Variants in SMYD4 observed in about 807,000 individuals in gnomAD.
The protein encoded by SMYD4 is protein-lysine N-methyltransferase SMYD4.
Under a neutral mutation model 72.8 loss-of-function variants are expected in SMYD4, and 68 were observed. That is an observed-to-expected ratio of 0.93 (90% CI 0.77 to 1.14). The LOEUF (loss-of-function observed/expected upper bound fraction) is 1.14. SMYD4 is among the 50% of genes most tolerant of loss of function. SMYD4 has a pLI of 0.00. For missense variants in SMYD4, 984 were observed against 1,003.7 expected (o/e 0.98, Z 0.27); for synonymous variants, 407 against 388.6 (o/e 1.05, Z -0.56).
At chr17:1,799,779 CT>C in intron 5 of SMYD4, 77 bp downstream of exon 5, 1 of 1,371,790 alleles carries the variant, frequency 7.3e-7, no homozygotes, top group Non-Finnish European at 9.7e-7. Flanking sequence ...TCCTATTTTC[CT>C]TTGGAATTGT....
intron 3 of SMYD4, among the ~76,000 whole-genome samples, chr17:1,806,329 C>T (rs1910033966): frequency 6.6e-6 from 1 of 152,124 alleles, no homozygotes; most frequent in African/African-American, 2.4e-5. Flanking sequence ...ACTCGACCGC[C>T]TGAAAATAAA....
Position 1,800,390 on chromosome 17 carries a change from C to A in SMYD4, c.1004G>T (p.Cys335Phe). The change falls in exon 5 of 11, where the codon TGT (cysteine) becomes TTT (phenylalanine). Residue 335 changes from cysteine (C) to phenylalanine (F), a missense_variant. By Grantham distance (205) the Cys-to-Phe change is radical. Coordinates refer to ENST00000305513, the MANE Select transcript of SMYD4 (RefSeq NM_052928.3). ...TGTGAGAAGCAGCCCTCCCAGAGGA[C>A]ATTCTGTCCTGTGGTAGAGCTCCCA... ...QAWELYHRTE[C>F]PLGGLLLTLG... is the part of the protein sequence containing the mutation. The A allele has an allele frequency of 3.1e-6, 5 of 1,614,176 alleles. No homozygotes were observed. Among genetic ancestry groups the A allele is most frequent in the Non-Finnish European group, 4.2e-6 (5 of 1,180,024 alleles).
chr17:1,811,890 G>A (rs1910345489), intron 3 of SMYD4, 81 bp downstream of exon 3: 1 of 1,493,756 alleles, frequency 6.7e-7, no homozygotes, highest in Non-Finnish European at 9.1e-7. Flanking sequence ...TTATACCACT[G>A]TACTCCAGCC....
In SMYD4 at chr17:1,783,356, G is replaced by C; in HGVS notation, c.2137+4C>G. ...GACGCAGAACGTGAAGGCTCATGCT[G>C]TACCTAAGGCAGCACAGGCCCGGGC... On this transcript the variant is annotated splice_donor_region_variant and intron_variant, in intron 9 of 10. Transcript: ENST00000305513. The C allele has an allele frequency of 6.2e-7, 1 of 1,612,180 alleles. No individual in the cohort carries two copies. The highest frequency in any genetic ancestry group is 8.5e-7 in the Non-Finnish European group (1 of 1,179,986).
At chr17:1,802,080 C>G (rs894598730) in intron 4 of SMYD4, among the ~76,000 whole-genome samples, 3 of 152,150 alleles carry the variant, frequency 2.0e-5, no homozygotes, top group Non-Finnish European at 4.4e-5. Flanking sequence ...ATCTAAAAAA[C>G]AGGGATAATA....
Position 1,829,815 on chromosome 17 carries a change from G to A in SMYD4, c.-102C>T, listed in dbSNP as rs746845459. 8 of 259,970 alleles carry A rather than the reference G, an allele frequency of 3.1e-5. No individual in the cohort carries two copies. Among genetic ancestry groups the A allele is most frequent in the East Asian group, 7.7e-5 (1 of 13,034 alleles). The allele number at this position is 259,970 out of a possible 1,614,324, so 16.1% of individuals were successfully genotyped here. On this transcript the variant is annotated 5_prime_UTR_variant, in exon 1 of 11. Transcript: ENST00000305513. Reference sequence around the variant, plus strand: ...CGCCCTGGTCTCCCTCCCAGCGCCCGCGCAGCTCCTGGCGCGCCCCTTGGC... The same window carrying A: ...CGCCCTGGTCTCCCTCCCAGCGCCCACGCAGCTCCTGGCGCGCCCCTTGGC...
chr17:1,812,545 CTTTTT>C (rs71150818), intron 2 of SMYD4, among the ~76,000 whole-genome samples: 3 of 63,698 alleles, frequency 4.7e-5, no homozygotes, highest in African/African-American at 6.0e-5. Context: ...AGCAGAATTT[CTTTTT>C]TTTTTTTTTT....
intron 5 of SMYD4, among the ~76,000 whole-genome samples, chr17:1,794,026 T>C (rs1158840001): frequency 1.2e-5 from 1 of 82,594 alleles, no homozygotes; most frequent in East Asian, 2.5e-4. Flanking sequence ...TATATGTGTG[T>C]ATATATATAT....
chr17:1,794,069 G>GCA (rs1567770917), intron 5 of SMYD4, among the ~76,000 whole-genome samples: 21 of 67,958 alleles, frequency 3.1e-4, no homozygotes, highest in African/African-American at 1.5e-3. Context: ...ATATATATGT[G>GCA]TATATATATG....
rs948261135 is a variant in SMYD4 at position 1,817,674 on chromosome 17, T to G, written c.135-5559A>C. On this transcript the variant is annotated intron_variant, in intron 2 of 10. Transcript: ENST00000305513. Reference sequence around the variant, plus strand: ...TTTTGATAAAGTACAGTTTATTTTTTTTGTTGTTGCCTGTGCTTTTGGTGT... The same window carrying G: ...TTTTGATAAAGTACAGTTTATTTTTGTTGTTGTTGCCTGTGCTTTTGGTGT... Among the ~76,000 whole-genome samples the G allele has an allele frequency of 9.9e-5, 15 of 152,284 alleles. No homozygotes were observed. The South Asian group carries it at 1.9e-3, about 19-fold the overall frequency.
chr17:1,780,620 A>G lies in SMYD4; in HGVS notation c.*666T>C, dbSNP rs1293944782. The G allele has an allele frequency of 6.8e-6, 1 of 146,352 alleles. No homozygotes were observed. Among genetic ancestry groups the G allele is most frequent in the East Asian group, 2.0e-4 (1 of 4,904 alleles). 9.1% of individuals were successfully genotyped at this position (146,352 alleles called of 1,614,324 possible). ...CCCACATCTGGCAGCAGAACCTCTT[A>G]ATATTTTTTTTTTTTCTTTGAGATG... On this transcript the variant is annotated 3_prime_UTR_variant, in exon 11 of 11. Transcript: ENST00000305513.
chr17:1,787,275 T>G (rs1908744223), intron 6 of SMYD4, 147 bp downstream of exon 6: 1 of 1,060,888 alleles, frequency 9.4e-7, no homozygotes, highest in South Asian at 1.5e-5. Context: ...CATCCTCCCT[T>G]CCTTGTTTTT....
intron 2 of SMYD4, among the ~76,000 whole-genome samples, chr17:1,823,586 T>G (rs760547275): frequency 2.0e-5 from 3 of 152,098 alleles, no homozygotes; most frequent in African/African-American, 4.8e-5. Context: ...TCAAGTACCC[T>G]TTCTCTCTAC....
intron 4 of SMYD4, among the ~76,000 whole-genome samples, chr17:1,803,036 C>G (rs1295498116): frequency 1.3e-5 from 2 of 152,142 alleles, no homozygotes; most frequent in African/African-American, 4.8e-5. Context: ...CCCAGCTACT[C>G]AGAGGCTGAG....
chr17:1,818,723 G>A (rs896827730), intron 2 of SMYD4, among the ~76,000 whole-genome samples: 8 of 151,744 alleles, frequency 5.3e-5, no homozygotes, highest in Non-Finnish European at 1.0e-4. Context: ...GCAGTGGTAC[G>A]ACCTCTGCTC....
intron 7 of SMYD4, 190 bp from the exon 8 acceptor site, chr17:1,784,651 T>C (rs1908556933): frequency 1.2e-6 from 1 of 809,904 alleles, no homozygotes; most frequent in African/African-American, 1.9e-5. Context: ...TAATGAAGTG[T>C]ATCAGCAGTA....
chr17:1,813,512 C>T (rs1448872033), intron 2 of SMYD4, among the ~76,000 whole-genome samples: 1 of 152,116 alleles, frequency 6.6e-6, no homozygotes, highest in Non-Finnish European at 1.5e-5. Context: ...CCTCCGCCTC[C>T]TGGGTGCAAG....
At chr17:1,795,269 C>A (rs1909330666) in intron 5 of SMYD4, among the ~76,000 whole-genome samples, 1 of 151,898 alleles carries the variant, frequency 6.6e-6, no homozygotes, top group African/African-American at 2.4e-5. Flanking sequence ...AGCCTTCTGT[C>A]TGTCTGTCTG....
intron 1 of SMYD4, among the ~76,000 whole-genome samples, chr17:1,828,335 A>T (rs1403004248): frequency 6.7e-6 from 1 of 150,224 alleles, no homozygotes; most frequent in Non-Finnish European, 1.5e-5. Flanking sequence ...TGGGTGACAG[A>T]GCAAGACTCT....
Sources: gnomAD v4.1 joint callset for allele counts (sites outside exome capture counted in the v4.1 genomes callset) on GRCh38, gnomAD v4.1.1 for gene constraint, MANE v1.5 for transcripts, NCBI Gene and HGNC (gene_info 2026-07-23, HGNC 2026-07-21) for gene names.